KIAA0825: variants seen among roughly 807,000 people sequenced by gnomAD.
The protein encoded by KIAA0825 is uncharacterized protein KIAA0825.
In KIAA0825, 119 loss-of-function variants were observed where a neutral mutation model predicts 147.6. The observed-to-expected ratio is 0.81, with a 90% confidence interval of 0.69 to 0.94. KIAA0825 has a LOEUF of 0.94. KIAA0825 is among the 40% of genes least tolerant of loss of function. The pLI, the probability that KIAA0825 is intolerant of heterozygous loss-of-function variation, is 0.00. For missense variants in KIAA0825, 1,381 were observed against 1,472.7 expected, an observed-to-expected ratio of 0.94 and a Z score of 1.02; for synonymous variants, 470 against 518.1, an observed-to-expected ratio of 0.91 and a Z score of 1.26.
chr5:94,608,490 T>TAAAA (rs1284435559), intron 1 of KIAA0825, among the ~76,000 whole-genome samples: 3 of 15,268 alleles, frequency 2.0e-4, no homozygotes, highest in African/African-American at 8.3e-4. Flanking sequence ...TATATATATA[T>TAAAA]AATTATATAT....
chr5:94,482,279 A>T (rs886978518), intron 6 of KIAA0825, among the ~76,000 whole-genome samples: 2 of 152,068 alleles, frequency 1.3e-5, no homozygotes, highest in African/African-American at 4.8e-5. Flanking sequence ...TTGGTTAATC[A>T]TTTTTATATT....
At chr5:94,611,296 C>G (rs569695769) in intron 1 of KIAA0825, among the ~76,000 whole-genome samples, 278 of 152,166 alleles carry the variant, frequency 1.8e-3, no homozygotes, top group African/African-American at 6.6e-3. Context: ...CCTCTTTAAT[C>G]TTCATTTCCT....
At chr5:94,401,507 G>A (rs1388504677) in intron 16 of KIAA0825, among the ~76,000 whole-genome samples, 1 of 152,014 alleles carries the variant, frequency 6.6e-6, no homozygotes, top group East Asian at 1.9e-4. Flanking sequence ...ATTACTGTGT[G>A]CTGAAAGCTA....
chr5:94,577,623 T>C (rs1244845088), intron 2 of KIAA0825, among the ~76,000 whole-genome samples: 2 of 152,194 alleles, frequency 1.3e-5, no homozygotes, highest in Admixed American at 6.5e-5. Flanking sequence ...GCTTTCAAAG[T>C]GGTACTTTCC....
intron 20 of KIAA0825, among the ~76,000 whole-genome samples, chr5:94,198,397 C>A (rs1020454539): frequency 6.6e-6 from 1 of 151,834 alleles, no homozygotes; most frequent in Admixed American, 6.6e-5. Context: ...ATATTGTCTG[C>A]AAAGAGAGAG....
chr5:94,486,145 C>T (rs911990506), intron 5 of KIAA0825, among the ~76,000 whole-genome samples: 5 of 151,836 alleles, frequency 3.3e-5, no homozygotes, highest in Non-Finnish European at 5.9e-5. Context: ...TAAAAGAATC[C>T]TATCTTTATT....
At chr5:94,521,922 T>G (rs1477829353) in intron 4 of KIAA0825, among the ~76,000 whole-genome samples, 1 of 151,778 alleles carries the variant, frequency 6.6e-6, no homozygotes, top group Non-Finnish European at 1.5e-5. Context: ...AAAGGCATTA[T>G]GTGTGATTCA....
intron 14 of KIAA0825, among the ~76,000 whole-genome samples, chr5:94,425,899 T>C (rs1290420809): frequency 6.6e-6 from 1 of 152,140 alleles, no homozygotes; most frequent in Admixed American, 6.5e-5. Flanking sequence ...ATCATTTGTA[T>C]GTCTTCTTTT....
chr5:94,247,268 A>T (rs1051034483), intron 20 of KIAA0825, among the ~76,000 whole-genome samples: 1 of 152,142 alleles, frequency 6.6e-6, no homozygotes, highest in East Asian at 1.9e-4. Flanking sequence ...TTTGTGCCCA[A>T]TGTAATCATC....
intron 20 of KIAA0825, among the ~76,000 whole-genome samples, chr5:94,311,842 G>A (rs1049941297): frequency 9.9e-5 from 15 of 151,468 alleles, no homozygotes; most frequent in African/African-American, 2.9e-4. Context: ...ATTTCTTTAC[G>A]TGGTAAATAA....
chr5:94,195,878 A>G (rs1771085401), intron 20 of KIAA0825, among the ~76,000 whole-genome samples: 1 of 152,074 alleles, frequency 6.6e-6, no homozygotes, highest in Admixed American at 6.5e-5. Flanking sequence ...TTACTCATGG[A>G]TACATTAAGT....
chr5:94,447,432 A>G (rs1384611397), intron 13 of KIAA0825, among the ~76,000 whole-genome samples: 1 of 152,128 alleles, frequency 6.6e-6, no homozygotes, highest in African/African-American at 2.4e-5. Flanking sequence ...TAAAAATCTC[A>G]GGAGGAAATC....
intron 15 of KIAA0825, among the ~76,000 whole-genome samples, chr5:94,404,243 G>A (rs1415475190): frequency 1.3e-5 from 2 of 151,986 alleles, no homozygotes; most frequent in Admixed American, 6.6e-5. Context: ...TGTTTAATTA[G>A]CTCTGGTATT....
chr5:94,430,749 T>C (rs569023233), intron 14 of KIAA0825, among the ~76,000 whole-genome samples: 23 of 152,348 alleles, frequency 1.5e-4, no homozygotes, highest in African/African-American at 5.5e-4. Context: ...TTAGACATTT[T>C]GTAAGTTTCA....
chr5:94,347,483 T>C (rs1435831742), intron 20 of KIAA0825, among the ~76,000 whole-genome samples: 2 of 152,240 alleles, frequency 1.3e-5, no homozygotes, highest in Non-Finnish European at 2.9e-5. Context: ...CAGGACTCTG[T>C]GCAGTCAACC....
intron 2 of KIAA0825, among the ~76,000 whole-genome samples, chr5:94,560,264 T>A (rs1214945566): frequency 1.3e-5 from 2 of 152,174 alleles, no homozygotes; most frequent in African/African-American, 4.8e-5. Context: ...AAAAATAAAT[T>A]CATGTGTCTT....
chr5:94,396,503 G>A lies in KIAA0825; in HGVS notation c.2894C>T (p.Thr965Ile). The change falls in exon 17 of 21, where the codon ACA becomes ATA. Residue 965 changes from threonine (T) to isoleucine (I), a missense_variant. By Grantham distance (89) the Thr-to-Ile change is moderately conservative. Coordinates refer to ENST00000682413, the MANE Select transcript of KIAA0825 (RefSeq NM_001145678.3). ...AGATACTGCCTGAGCAGTAAGCCTTGTGAAGCCTGGGGAAGAAAAGAAAAG... is the reference window on the plus strand; with the variant it reads ...AGATACTGCCTGAGCAGTAAGCCTTATGAAGCCTGGGGAAGAAAAGAAAAG... ...TNRKESCKSF[T>I]RLTAQAVSIV... is the part of the protein sequence containing the mutation. The A allele has an allele frequency of 6.8e-7, 1 of 1,478,922 alleles. No homozygotes were observed. The highest frequency in any genetic ancestry group is 9.0e-7 in the Non-Finnish European group (1 of 1,116,788). 91.6% of individuals were successfully genotyped at this position (1,478,922 alleles called of 1,614,324 possible). A position where few individuals can be genotyped will look rare whatever the true frequency, so the allele number is the denominator to read the frequency against.
chr5:94,331,464 G>T (rs1781262377), intron 20 of KIAA0825, among the ~76,000 whole-genome samples: 1 of 152,068 alleles, frequency 6.6e-6, no homozygotes, highest in South Asian at 2.1e-4. Flanking sequence ...AGTCCCAAAT[G>T]GTTTCACTGG....
At chr5:94,329,463 A>G (rs1781047774) in intron 20 of KIAA0825, among the ~76,000 whole-genome samples, 1 of 152,162 alleles carries the variant, frequency 6.6e-6, no homozygotes, top group Non-Finnish European at 1.5e-5. Context: ...CTGATCTTCA[A>G]AGTAGAAATA....
Sources: gnomAD v4.1 joint callset for allele counts (sites outside exome capture counted in the v4.1 genomes callset) on GRCh38, gnomAD v4.1.1 for gene constraint, MANE v1.5 for transcripts, NCBI Gene and HGNC (gene_info 2026-07-23, HGNC 2026-07-21) for gene names.